SMARCB1: variants seen among roughly 807,000 people sequenced by gnomAD.
SMARCB1 encodes SWI/SNF-related matrix-associated actin-dependent regulator of chromatin subfamily B member 1.
A neutral mutation model predicts 49.0 loss-of-function variants in SMARCB1; 5 were observed. The ratio of observed to expected loss-of-function variants is 0.10; its 90% confidence interval spans 0.05 to 0.21. The LOEUF is 0.21. Among genes scored for constraint, SMARCB1 ranks in the 10% least tolerant of loss-of-function variants. SMARCB1 has a pLI of 1.00. For synonymous variants in SMARCB1, 201 were observed against 200.1 expected (o/e 1.00, Z -0.04); for missense variants, 226 against 509.2 (o/e 0.44, Z 5.35).
At chr22:23,806,581 A>G (rs547285008) in intron 5 of SMARCB1, among the ~76,000 whole-genome samples, 3 of 152,314 alleles carry the variant, frequency 2.0e-5, no homozygotes. Context: ...TATGTGAAGT[A>G]GCAGTACTTG....
intron 7 of SMARCB1, among the ~76,000 whole-genome samples, chr22:23,827,693 G>C (rs185340077): frequency 6.6e-6 from 1 of 152,164 alleles, no homozygotes; most frequent in Non-Finnish European, 1.5e-5. Flanking sequence ...GGCCTGCCTG[G>C]GGAACTGGGA....
intron 5 of SMARCB1, among the ~76,000 whole-genome samples, chr22:23,805,072 C>T (rs915303600): frequency 4.6e-5 from 7 of 152,208 alleles, no homozygotes; most frequent in African/African-American, 1.7e-4. Context: ...TCCCCAGGCG[C>T]TCAGCATGGT....
chr22:23,836,410 C>G lies in SMARCB1; in HGVS notation c.*2230C>G, dbSNP rs2031052314. On this transcript the variant is annotated 3_prime_UTR_variant, in exon 9 of 9. Transcript: ENST00000644036. ...TTGGCACAACCTAGGAGACGCCTGT[C>G]CTGGCCCCAGCAGCCGAAATCTGGT... The G allele has an allele frequency of 3.0e-6, 3 of 987,452 alleles. No homozygotes were observed. The South Asian group carries it at 1.4e-4, about 46-fold the overall frequency. The allele number at this position is 987,452 out of a possible 1,614,324, so 61.2% of individuals were successfully genotyped here.
At chr22:23,813,246 T>G in intron 5 of SMARCB1, among the ~76,000 whole-genome samples, 1 of 152,246 alleles carries the variant, frequency 6.6e-6, no homozygotes, top group Non-Finnish European at 1.5e-5. Context: ...CTGCTGTCAC[T>G]ATTCTTATTC....
At chr22:23,803,225 G>A (rs1929277631) in intron 4 of SMARCB1, 70 bp from the exon 5 acceptor site, 8 of 1,605,402 alleles carry the variant, frequency 5.0e-6, no homozygotes, top group Non-Finnish European at 6.0e-6. Context: ...TGTGCAGAGA[G>A]AGAGGCTGAA....
intron 8 of SMARCB1, 117 bp from the exon 9 acceptor site, chr22:23,834,024 C>T (rs2030822728): frequency 8.9e-7 from 1 of 1,119,804 alleles, no homozygotes; most frequent in South Asian, 1.3e-5. Context: ...CTGCTGGGGG[C>T]CCACATCCTG....
chr22:23,837,692 G>A lies in SMARCB1; in HGVS notation c.*3512G>A, dbSNP rs2146065259. 1 of 1,613,862 alleles carries A rather than the reference G, an allele frequency of 6.2e-7. No homozygotes were observed. Among genetic ancestry groups the A allele is most frequent in the African/African-American group, 1.3e-5 (1 of 75,066 alleles). On this transcript the variant is annotated 3_prime_UTR_variant, in exon 9 of 9. Coordinates refer to ENST00000644036, the MANE Select transcript of SMARCB1 (RefSeq NM_003073.5). ...TCCACGAGGATGGAGTTGCCCAGCA[G>A]CAGCGAGAAGCCCATGAGCGCCCAA...
intron 6 of SMARCB1, among the ~76,000 whole-genome samples, chr22:23,819,213 C>T (rs2029942308): frequency 6.6e-6 from 1 of 152,188 alleles, no homozygotes; most frequent in African/African-American, 2.4e-5. Flanking sequence ...TTTATTTATT[C>T]ATCCCTAAAT....
intron 6 of SMARCB1, among the ~76,000 whole-genome samples, chr22:23,822,645 C>A (rs959421342): frequency 1.3e-5 from 2 of 152,214 alleles, no homozygotes; most frequent in African/African-American, 4.8e-5. Flanking sequence ...CAGTCCCTCG[C>A]CACCCTCATC....
In SMARCB1 at chr22:23,787,116, C is replaced by T; in HGVS notation, c.-54C>T. ...GGCCCAGCACGCCCCGGCCCCGCCC[C>T]AGCCCTCCTGATCCCTCGCAGCCCG... is the stretch of plus-strand genomic sequence containing the variant. On this transcript the variant is annotated 5_prime_UTR_variant, in exon 1 of 9. Coordinates refer to ENST00000644036, the MANE Select transcript of SMARCB1 (RefSeq NM_003073.5). 8.6e-7 allele frequency: 1 copy of T among 1,163,164 alleles called. No homozygotes were observed. The highest frequency in any genetic ancestry group is 1.3e-6 in the Non-Finnish European group (1 of 774,982). 72.1% of individuals were successfully genotyped at this position (1,163,164 alleles called of 1,614,324 possible).
At chr22:23,799,398 C>T (rs1338011809) in intron 3 of SMARCB1, among the ~76,000 whole-genome samples, 2 of 151,854 alleles carry the variant, frequency 1.3e-5, no homozygotes, top group South Asian at 2.1e-4. Context: ...CATGCTTCAG[C>T]CTCCTGAGTA....
intron 3 of SMARCB1, among the ~76,000 whole-genome samples, chr22:23,800,479 C>T (rs1019363190): frequency 2.3e-4 from 35 of 152,158 alleles, no homozygotes; most frequent in African/African-American, 7.7e-4. Context: ...AGTCATCTCA[C>T]GGAGCATGTG....
intron 1 of SMARCB1, among the ~76,000 whole-genome samples, chr22:23,789,217 A>G (rs552054827): frequency 3.3e-5 from 5 of 152,304 alleles, no homozygotes; most frequent in Admixed American, 1.3e-4. Flanking sequence ...TTAAATTACA[A>G]CTGTTCAAAG....
At chr22:23,809,503 C>T (rs1159866133) in intron 5 of SMARCB1, among the ~76,000 whole-genome samples, 1 of 151,582 alleles carries the variant, frequency 6.6e-6, no homozygotes, top group Non-Finnish European at 1.5e-5. Flanking sequence ...CTTGAACTCC[C>T]CACCTCAGGT....
At chr22:23,817,334 G>A (rs972344999) in intron 6 of SMARCB1, 3 of 306,642 alleles carry the variant, frequency 9.8e-6, no homozygotes, top group Middle Eastern at 1.1e-3. Flanking sequence ...GATCACCTGC[G>A]GAAGTTGCAA....
At chr22:23,801,473 T>C in intron 4 of SMARCB1, 1 of 484,238 alleles carries the variant, frequency 2.1e-6, no homozygotes, top group Admixed American at 2.5e-5. Context: ...CACCACAAAC[T>C]GGTGGCTTCG....
chr22:23,827,598 C>T (rs1444003480), intron 7 of SMARCB1, among the ~76,000 whole-genome samples: 1 of 152,204 alleles, frequency 6.6e-6, no homozygotes, highest in Non-Finnish European at 1.5e-5. Flanking sequence ...ATGCAGGTTT[C>T]AAATCTTTGG....
At chr22:23,788,954 G>A (rs573103075) in intron 1 of SMARCB1, among the ~76,000 whole-genome samples, 3 of 151,752 alleles carry the variant, frequency 2.0e-5, no homozygotes, top group Non-Finnish European at 4.4e-5. Flanking sequence ...GGCTCAAGCC[G>A]TCCTCCCACC....
In SMARCB1 at chr22:23,836,203, G is replaced by A. The variant is rs1235021421; in HGVS notation, c.*2023G>A. 1 of 985,338 alleles carries A rather than the reference G, an allele frequency of 1.0e-6. No individual in the cohort carries two copies. The highest frequency in any genetic ancestry group is 1.2e-6 in the Non-Finnish European group (1 of 829,940). The allele number at this position is 985,338 out of a possible 1,614,324, so 61.0% of individuals were successfully genotyped here. On this transcript the variant is annotated 3_prime_UTR_variant, in exon 9 of 9. Transcript: ENST00000644036. ...CTAAGGTGAAAACTTAGGCTCTGAGGTCATAGAAAGGGCAGAAGACCTAGT... is the reference window on the plus strand; with the variant it reads ...CTAAGGTGAAAACTTAGGCTCTGAGATCATAGAAAGGGCAGAAGACCTAGT...
Sources: gnomAD v4.1 joint callset for allele counts (sites outside exome capture counted in the v4.1 genomes callset) on GRCh38, gnomAD v4.1.1 for gene constraint, MANE v1.5 for transcripts, NCBI Gene and HGNC (gene_info 2026-07-23, HGNC 2026-07-21) for gene names.